The following TRHDE variants were observed in gnomAD, a reference collection of about 807,000 sequenced individuals.
TRHDE encodes the protein thyrotropin releasing hormone degrading enzyme.
A neutral mutation model predicts 125.7 loss-of-function variants in TRHDE; 72 were observed. The ratio of observed to expected loss-of-function variants is 0.57; its 90% CI spans 0.47 to 0.70. The LOEUF (loss-of-function observed/expected upper bound fraction) is 0.70. Among genes scored for constraint, TRHDE ranks in the 30% least tolerant of loss-of-function variants. The pLI is 0.00. For synonymous variants in TRHDE, 509 were observed against 509.1 expected, an observed-to-expected ratio of 1.00 and a Z score of 0.00; for missense variants, 1,110 against 1,327.1, an observed-to-expected ratio of 0.84 and a Z score of 2.54.
chr12:72,449,455 C>T (rs1206951298), intron 3 of TRHDE, among the ~76,000 whole-genome samples: 1 of 151,760 alleles, frequency 6.6e-6, no homozygotes, highest in Admixed American at 6.6e-5. Flanking sequence ...GCATTGTGTA[C>T]ACACTGCCTC....
At chr12:72,517,648 G>T (rs1355627170) in intron 6 of TRHDE, among the ~76,000 whole-genome samples, 1 of 152,026 alleles carries the variant, frequency 6.6e-6, no homozygotes, top group Admixed American at 6.6e-5. Flanking sequence ...ATGTCCTTCA[G>T]TTCTGCTCTG....
rs567126901 is a variant in TRHDE at position 72,408,512 on chromosome 12, A to G, written c.1315+30391A>G. ...AATGACTAATGGGCACTCACTGGCA[A>G]TAATAAACCAATCACACACAAATAA... On this transcript the variant is annotated intron_variant, in intron 3 of 18. Coordinates refer to ENST00000261180, the MANE Select transcript of TRHDE (RefSeq NM_013381.3). Among the ~76,000 whole-genome samples the G allele has an allele frequency of 2.6e-5, 4 of 152,320 alleles. No individual in the cohort carries two copies. The East Asian group carries it at 7.7e-4, about 29-fold the overall frequency.
At chr12:72,271,755 A>T (rs1879220823), upstream of TRHDE, 1 of 379,884 alleles carries the variant, frequency 2.6e-6, no homozygotes, top group South Asian at 1.9e-5. Context: ...ACACATGCAC[A>T]CGCGCTCGGA....
At chr12:72,486,841 A>G (rs1877433505) in intron 5 of TRHDE, among the ~76,000 whole-genome samples, 1 of 152,138 alleles carries the variant, frequency 6.6e-6, no homozygotes, top group Non-Finnish European at 1.5e-5. Context: ...TTGCCTAAAA[A>G]GGAATTTAAC....
chr12:72,353,738 C>CCT (rs1870688243), intron 2 of TRHDE, among the ~76,000 whole-genome samples: 1 of 151,514 alleles, frequency 6.6e-6, no homozygotes, highest in South Asian at 2.1e-4. Flanking sequence ...ACAAAATATA[C>CCT]CTTACCACAA....
intron 2 of TRHDE, among the ~76,000 whole-genome samples, chr12:72,260,291 A>C (rs1878919931): frequency 6.6e-6 from 1 of 152,198 alleles, no homozygotes; most frequent in South Asian, 2.1e-4. Context: ...TTGGTTTCCA[A>C]AAAGGAAGCT....
rs528173803 is a variant in TRHDE, at chr12:72,414,985, T to C, written c.1315+36864T>C. Among the ~76,000 whole-genome samples the C allele has an allele frequency of 2.6e-5, 4 of 152,274 alleles. No homozygotes were observed. The East Asian group carries it at 7.7e-4, about 29-fold the overall frequency. ...CTAAACAAGGATTTGAGTTTAGTTA[T>C]ATTTATCTGACCTGAGGCCTATGCA... On this transcript the variant is annotated intron_variant, in intron 3 of 18. Coordinates refer to ENST00000261180, the MANE Select transcript of TRHDE (RefSeq NM_013381.3).
intron 2 of TRHDE, among the ~76,000 whole-genome samples, chr12:72,110,402 G>T (rs750088673): frequency 2.0e-5 from 3 of 151,934 alleles, no homozygotes; most frequent in African/African-American, 4.8e-5. Context: ...ACCTGCTCAG[G>T]TCTGATGTCA....
At chr12:72,471,158 G>A (rs571866706) in intron 4 of TRHDE, among the ~76,000 whole-genome samples, 94 of 152,090 alleles carry the variant, frequency 6.2e-4, no homozygotes, top group African/African-American at 2.0e-3. Flanking sequence ...GATTACAGGC[G>A]TGAGCCACCG....
intron 2 of TRHDE, among the ~76,000 whole-genome samples, chr12:72,291,822 A>T (rs1186082332): frequency 6.6e-6 from 1 of 152,188 alleles, no homozygotes; most frequent in East Asian, 1.9e-4. Flanking sequence ...TTTGGTATCC[A>T]TGGGAGGTCC....
intron 2 of TRHDE, among the ~76,000 whole-genome samples, chr12:72,238,321 TAC>T (rs1491089881): frequency 0.011 from 317 of 30,082 alleles, 27 homozygotes; most frequent in Non-Finnish European, 0.013. Context: ...TATATATATA[TAC>T]ATATATATAT....
intron 5 of TRHDE, among the ~76,000 whole-genome samples, chr12:72,488,094 A>C (rs933334092): frequency 5.9e-5 from 9 of 152,124 alleles, no homozygotes; most frequent in African/African-American, 2.2e-4. Flanking sequence ...GATAATAAGA[A>C]AGGAAGAAAG....
intron 3 of TRHDE, among the ~76,000 whole-genome samples, chr12:72,450,626 G>A (rs544722155): frequency 3.3e-5 from 5 of 151,874 alleles, no homozygotes; most frequent in South Asian, 4.2e-4. Context: ...CCTATCTGAC[G>A]GAAATTTTGT....
At chr12:72,607,588 C>T (rs971714856) in intron 12 of TRHDE, among the ~76,000 whole-genome samples, 9 of 152,118 alleles carry the variant, frequency 5.9e-5, no homozygotes, top group Non-Finnish European at 1.0e-4. Context: ...AGCCAGTTCT[C>T]TAGCATGCTC....
intron 9 of TRHDE, among the ~76,000 whole-genome samples, chr12:72,565,861 T>C (rs1168171570): frequency 6.6e-6 from 1 of 152,022 alleles, no homozygotes; most frequent in Non-Finnish European, 1.5e-5. Context: ...GAAAAAAATA[T>C]CTTGATGGGT....
intron 6 of TRHDE, among the ~76,000 whole-genome samples, chr12:72,529,912 T>C (rs574556625): frequency 3.9e-5 from 6 of 152,298 alleles, no homozygotes; most frequent in African/African-American, 1.2e-4. Flanking sequence ...CCTCCAACCC[T>C]GTGCATCTCA....
chr12:72,565,622 A>G (rs1351977679), intron 9 of TRHDE, among the ~76,000 whole-genome samples: 3 of 152,176 alleles, frequency 2.0e-5, no homozygotes, highest in African/African-American at 7.2e-5. Context: ...TAACCTCCAC[A>G]GTCATACTTT....
intron 7 of TRHDE, among the ~76,000 whole-genome samples, chr12:72,560,311 A>C (rs1381197373): frequency 6.6e-6 from 1 of 152,184 alleles, no homozygotes; most frequent in African/African-American, 2.4e-5. Flanking sequence ...CTCTAAACTG[A>C]GGAGGGAAGA....
chr12:72,657,743 A>G (rs1257821457), intron 18 of TRHDE, among the ~76,000 whole-genome samples: 1 of 152,134 alleles, frequency 6.6e-6, no homozygotes, highest in African/African-American at 2.4e-5. Flanking sequence ...ACTAATATAG[A>G]GAGATGAGAA....
Sources: allele counts gnomAD v4.1 joint callset (sites outside exome capture counted in the v4.1 genomes callset), GRCh38; gene constraint gnomAD v4.1.1; transcripts MANE v1.5; gene names NCBI Gene and HGNC (gene_info 2026-07-23, HGNC 2026-07-21).